Variants in SNX9 observed in about 807,000 individuals in gnomAD.
SNX9 encodes the protein sorting nexin 9, also known as sorting nexin-9.
A neutral mutation model predicts 89.4 loss-of-function variants in SNX9; 44 were observed. The ratio of observed to expected loss-of-function variants is 0.49; its 90% CI spans 0.39 to 0.63. SNX9 has a LOEUF of 0.63. SNX9 is among the 30% of genes least tolerant of loss of function. The pLI, the probability that SNX9 is intolerant of heterozygous loss-of-function variation, is 0.00. For synonymous variants in SNX9, 236 were observed against 247.8 expected (o/e 0.95, Z 0.45); for missense variants, 578 against 736.1 (o/e 0.79, Z 2.49).
intron 1 of SNX9, among the ~76,000 whole-genome samples, chr6:157,847,457 G>A (rs1466158498): frequency 6.6e-6 from 1 of 152,110 alleles, no homozygotes; most frequent in African/African-American, 2.4e-5. Context: ...AAGTTTTCCT[G>A]ATGGTGTAGA....
chr6:157,833,383 C>G (rs1781512052), intron 1 of SNX9, among the ~76,000 whole-genome samples: 2 of 151,888 alleles, frequency 1.3e-5, no homozygotes, highest in Admixed American at 6.6e-5. Context: ...TCAAATTGTA[C>G]TAGGTTGGAA....
Position 157,859,950 on chromosome 6 carries a change from A to G in SNX9, c.13-7597A>G, listed in dbSNP as rs572386466. On this transcript the variant is annotated intron_variant, in intron 1 of 17. Transcript: ENST00000392185. The stretch of plus-strand genomic sequence containing the variant: ...TATAGGAGTCAGCAAATTTTGGCCC[A>G]TGAACAAAATCTAGCCTGTCATGTG... Among the ~76,000 whole-genome samples, 10 of 152,348 alleles carry G rather than the reference A, an allele frequency of 6.6e-5. No homozygotes were observed. In the East Asian group the frequency reaches 1.7e-3, roughly 26 times the overall value.
At chr6:157,901,209 T>G (rs972613280) in intron 5 of SNX9, among the ~76,000 whole-genome samples, 1 of 152,252 alleles carries the variant, frequency 6.6e-6, no homozygotes, top group Non-Finnish European at 1.5e-5. Context: ...GCATGCAATT[T>G]TGTATTTACA....
chr6:157,937,146 T>G (rs1783942575), intron 14 of SNX9, among the ~76,000 whole-genome samples: 1 of 152,248 alleles, frequency 6.6e-6, no homozygotes, highest in Admixed American at 6.5e-5. Flanking sequence ...CATACAGCAT[T>G]AGCTGAACTT....
chr6:157,878,899 TA>T (rs1208603747), intron 4 of SNX9, among the ~76,000 whole-genome samples: 2 of 150,782 alleles, frequency 1.3e-5, no homozygotes, highest in Non-Finnish European at 2.9e-5. Context: ...GAAAAATAGG[TA>T]AAGTGTATAA....
intron 9 of SNX9, among the ~76,000 whole-genome samples, chr6:157,915,539 A>G (rs1022582403): frequency 2.0e-5 from 3 of 148,748 alleles, no homozygotes; most frequent in Admixed American, 6.7e-5. Context: ...TAATCTCAGC[A>G]CTTTGGTAGG....
At chr6:157,840,424 CTTTCT>C (rs777125156) in intron 1 of SNX9, among the ~76,000 whole-genome samples, 29 of 137,672 alleles carry the variant, frequency 2.1e-4, no homozygotes, top group Non-Finnish European at 4.7e-5. Context: ...TCTTTCTTTT[CTTTCT>C]TTTCTTTCCT....
chr6:157,846,658 C>T (rs1044018802), intron 1 of SNX9, among the ~76,000 whole-genome samples: 1 of 152,196 alleles, frequency 6.6e-6, no homozygotes, highest in South Asian at 2.1e-4. Flanking sequence ...TGTCATTTTT[C>T]ATGTGTGAAA....
chr6:157,935,997 C>T lies in SNX9; in HGVS notation c.1400C>T (p.Ala467Val), dbSNP rs754745331. 1.2e-6 allele frequency: 2 copies of T among 1,612,646 alleles called. No individual in the cohort carries two copies. The highest frequency in any genetic ancestry group is 8.5e-7 in the Non-Finnish European group (1 of 1,179,256). Residue 467 changes from alanine (A) to valine (V), a missense_variant, in exon 14 of 18, where the codon GCA becomes GTA. Ala to Val is a moderately conservative substitution (Grantham distance 64, BLOSUM62 0). Coordinates refer to ENST00000392185, the MANE Select transcript of SNX9 (RefSeq NM_016224.5). ...GATCTCAATGATGCAATAACAGAAG[C>T]AGGAAAGACTTATGAAGAAATTGCC... ...ETDLNDAITE[A>V]GKTYEEIASL...
chr6:157,889,092 T>C (rs1057384760), intron 4 of SNX9, among the ~76,000 whole-genome samples: 3 of 152,142 alleles, frequency 2.0e-5, no homozygotes, highest in African/African-American at 7.2e-5. Flanking sequence ...CATGACCAAA[T>C]GTCTGCAGTT....
At chr6:157,881,433 C>A (rs1254029027) in intron 4 of SNX9, among the ~76,000 whole-genome samples, 1 of 152,112 alleles carries the variant, frequency 6.6e-6, no homozygotes, top group African/African-American at 2.4e-5. Flanking sequence ...CCTGCAGTGG[C>A]CTCTAAGTGT....
At chr6:157,863,774 G>A (rs1379693246) in intron 1 of SNX9, among the ~76,000 whole-genome samples, 1 of 152,186 alleles carries the variant, frequency 6.6e-6, no homozygotes, top group African/African-American at 2.4e-5. Context: ...GGATAGGAAA[G>A]AGAAAAGAGG....
In SNX9 at chr6:157,888,887, A is replaced by G. The variant is rs1228911627; in HGVS notation, c.301-7940A>G. 3.9e-5 allele frequency among the ~76,000 whole-genome samples: 6 copies of G among 152,306 alleles called. No individual in the cohort carries two copies. In the East Asian group the frequency reaches 1.2e-3, roughly 29 times the overall value. Reference sequence around the variant, plus strand: ...TGATTACTGAATTCATCCCACGGGCAGTGAGATCTAATGAAAGGTCTTTAA... The same window carrying G: ...TGATTACTGAATTCATCCCACGGGCGGTGAGATCTAATGAAAGGTCTTTAA... On this transcript the variant is annotated intron_variant, in intron 4 of 17. Transcript: ENST00000392185.
chr6:157,897,245 G>A (rs1782999251), intron 5 of SNX9, among the ~76,000 whole-genome samples: 1 of 152,116 alleles, frequency 6.6e-6, no homozygotes, highest in African/African-American at 2.4e-5. Flanking sequence ...CTCCCACCTT[G>A]GGTTCAATTA....
chr6:157,941,724 C>T (rs1277656367), intron 17 of SNX9, among the ~76,000 whole-genome samples: 1 of 152,208 alleles, frequency 6.6e-6, no homozygotes, highest in Non-Finnish European at 1.5e-5. Flanking sequence ...CATCTGCGAG[C>T]TGGACACTGC....
chr6:157,856,392 T>C (rs562436752), intron 1 of SNX9, among the ~76,000 whole-genome samples: 2 of 152,348 alleles, frequency 1.3e-5, no homozygotes, highest in African/African-American at 4.8e-5. Context: ...GCATTATTTT[T>C]GAAGAAATGG....
chr6:157,923,504 A>T (rs1029019620), intron 10 of SNX9, among the ~76,000 whole-genome samples: 1 of 152,176 alleles, frequency 6.6e-6, no homozygotes. Context: ...GAAAATGTAC[A>T]AAAGATCTAC....
intron 15 of SNX9, among the ~76,000 whole-genome samples, chr6:157,938,131 T>C (rs1783963646): frequency 6.6e-6 from 1 of 152,236 alleles, no homozygotes; most frequent in South Asian, 2.1e-4. Flanking sequence ...TCTAGCCGCT[T>C]CCATCTGAGT....
chr6:157,894,106 C>CTTTTTTT (rs746909411), intron 4 of SNX9, among the ~76,000 whole-genome samples: 1,441 of 89,446 alleles, frequency 0.016, 81 homozygotes, highest in Non-Finnish European at 0.021. Context: ...CTTTTCTTTT[C>CTTTTTTT]TTTTTTTTTT....
Sources: gnomAD v4.1 joint callset for allele counts (sites outside exome capture counted in the v4.1 genomes callset) on GRCh38, gnomAD v4.1.1 for gene constraint, MANE v1.5 for transcripts, NCBI Gene and HGNC (gene_info 2026-07-23, HGNC 2026-07-21) for gene names.